DSTYK: variants seen among roughly 807,000 people sequenced by gnomAD.
The protein encoded by DSTYK is RIP-homologous kinase.
A neutral mutation model predicts 98.7 loss-of-function variants in DSTYK; 34 were observed. That is an observed-to-expected ratio of 0.34 (90% CI 0.26 to 0.46). The LOEUF is 0.46. Among genes scored for constraint, DSTYK ranks in the 20% least tolerant of loss-of-function variants. The pLI, the probability that DSTYK is intolerant of heterozygous loss-of-function variation, is 1.00. For missense variants in DSTYK, 962 were observed against 1,181.7 expected, an observed-to-expected ratio of 0.81 and a Z score of 2.73; for synonymous variants, 462 against 457.3, an observed-to-expected ratio of 1.01 and a Z score of -0.13.
At chr1:205,164,555 G>A (rs987048772) in intron 3 of DSTYK, among the ~76,000 whole-genome samples, 4 of 150,376 alleles carry the variant, frequency 2.7e-5, no homozygotes, top group African/African-American at 4.9e-5. Flanking sequence ...TCCGCCTCCC[G>A]AGTTCAAGCC....
Position 205,145,759 on chromosome 1 carries a change from G to A in DSTYK, c.*1799C>T, listed in dbSNP as rs1285817197. Reference sequence around the variant, plus strand: ...TTACAAACTCTCGGGCTGAACACAGGGGCCAGACCACAGTTATTGGGGATT... The same window carrying A: ...TTACAAACTCTCGGGCTGAACACAGAGGCCAGACCACAGTTATTGGGGATT... On this transcript the variant is annotated 3_prime_UTR_variant, in exon 13 of 13. Coordinates refer to ENST00000367162, the MANE Select transcript of DSTYK (RefSeq NM_015375.3). 1 of 151,948 alleles carries A rather than the reference G, an allele frequency of 6.6e-6. No homozygotes were observed. Among genetic ancestry groups the A allele is most frequent in the Non-Finnish European group, 1.5e-5 (1 of 68,014 alleles). 9.4% of individuals were successfully genotyped at this position (151,948 alleles called of 1,614,324 possible).
At position 205,169,582 on chromosome 1, in the gene DSTYK, G is replaced by A. The variant is rs373701022; in HGVS notation, c.905C>T (p.Pro302Leu). 14 of 1,614,034 alleles carry A rather than the reference G, an allele frequency of 8.7e-6. No individual in the cohort carries two copies. Among genetic ancestry groups the A allele is most frequent in the South Asian group, 4.4e-5 (4 of 91,090 alleles). ...STRRMESERS[P>L]LYRQLIDLGY... ...CAGGTCAATTAGCTGGCGATAAAGC[G>A]GTGATCTTTCGCTCTCCATTCTCCT... is the stretch of plus-strand genomic sequence containing the variant. The change falls in exon 3 of 13, where the codon CCG becomes CTG. Residue 302 changes from proline to leucine, a missense_variant. By Grantham distance (98) the Pro-to-Leu change is moderately conservative. Around this residue, in one of 4 missense-constraint regions of DSTYK, gnomAD observed 660 missense variants for 855.0 expected, o/e 0.77. Transcript: ENST00000367162. The surrounding 1 kb of genome is among the most constrained non-coding windows in gnomAD (Gnocchi z 4.0).
chr1:205,175,202 G>A (rs577313232), intron 2 of DSTYK, among the ~76,000 whole-genome samples: 3 of 151,120 alleles, frequency 2.0e-5, no homozygotes, highest in Non-Finnish European at 4.4e-5. Flanking sequence ...CCAGGTTCAC[G>A]CCATTCTCCT....
chr1:205,163,530 A>G (rs969856010), intron 4 of DSTYK, among the ~76,000 whole-genome samples, 193 bp downstream of exon 4: 4 of 152,178 alleles, frequency 2.6e-5, no homozygotes, highest in African/African-American at 9.6e-5. Flanking sequence ...ATATTCATCA[A>G]CTTAACTGCA....
At chr1:205,157,438 AACTGACTAT>A in intron 9 of DSTYK, 52 bp from the exon 10 acceptor site, 1 of 1,442,456 alleles carries the variant, frequency 6.9e-7, no homozygotes, top group Non-Finnish European at 9.8e-7. Context: ...TCCTCAATTC[AACTGACTAT>A]ACTAGGGCAC....
chr1:205,201,050 C>G (rs1438942149), intron 1 of DSTYK, among the ~76,000 whole-genome samples: 2 of 152,040 alleles, frequency 1.3e-5, no homozygotes, highest in African/African-American at 4.8e-5. Context: ...GGATTACAGG[C>G]ACGTGCCACC....
chr1:205,200,346 G>A (rs7412215), intron 1 of DSTYK, among the ~76,000 whole-genome samples: 3 of 151,756 alleles, frequency 2.0e-5, no homozygotes, highest in Admixed American at 2.0e-4. Context: ...CCAATTTTTT[G>A]TATTTTTAAT....
At position 205,150,434 on chromosome 1, in the gene DSTYK, G is replaced by A. The variant is rs1558597710; in HGVS notation, c.2467+246C>T. ...ATGATTAAATAATTGGCTGATTATGGCAGTTATGGCACTAATAACCGAGAG... is the reference window on the plus strand; with the variant it reads ...ATGATTAAATAATTGGCTGATTATGACAGTTATGGCACTAATAACCGAGAG... On this transcript the variant is annotated intron_variant, in intron 11 of 12. Transcript: ENST00000367162. This position sits in a 1 kb window ranked among gnomAD's most constrained non-coding sequence, Gnocchi z 4.1. 6.6e-6 allele frequency among the ~76,000 whole-genome samples: 1 copy of A among 151,888 alleles called. No homozygotes were observed. Among genetic ancestry groups the A allele is most frequent in the South Asian group, 2.1e-4 (1 of 4,824 alleles).
rs536564129 is a variant in DSTYK, at chr1:205,171,325, C to A, written c.655-1493G>T. Among the ~76,000 whole-genome samples, 8 of 152,040 alleles carry A rather than the reference C, an allele frequency of 5.3e-5. No individual in the cohort carries two copies. The South Asian group carries it at 1.5e-3, about 28-fold the overall frequency. On this transcript the variant is annotated intron_variant, in intron 2 of 12. Coordinates refer to ENST00000367162, the MANE Select transcript of DSTYK (RefSeq NM_015375.3). ...AATTATCCGGGTGTGGTGGTGGGCGCCTGTAGCCCCAGCTACTCCAGAGAC... is the reference window on the plus strand; with the variant it reads ...AATTATCCGGGTGTGGTGGTGGGCGACTGTAGCCCCAGCTACTCCAGAGAC...
intron 1 of DSTYK, among the ~76,000 whole-genome samples, chr1:205,190,570 C>T (rs564611631): frequency 7.0e-6 from 1 of 142,156 alleles, no homozygotes; most frequent in South Asian, 2.2e-4. Flanking sequence ...GAGCCAAGAT[C>T]ACGCCATTGC....
intron 1 of DSTYK, among the ~76,000 whole-genome samples, chr1:205,202,013 T>G (rs997593088): frequency 3.3e-5 from 5 of 150,754 alleles, no homozygotes; most frequent in African/African-American, 1.2e-4. Flanking sequence ...TGAGCCAAGA[T>G]TGCACCACTG....
intron 1 of DSTYK, among the ~76,000 whole-genome samples, chr1:205,194,286 C>T (rs185990264): frequency 6.6e-6 from 1 of 152,190 alleles, no homozygotes; most frequent in Non-Finnish European, 1.5e-5. Context: ...AAATCTATCA[C>T]ACCTTTCAGC....
In DSTYK at chr1:205,169,857, T is replaced by C. The variant is rs1451518803; in HGVS notation, c.655-25A>G. On this transcript the variant is annotated intron_variant, in intron 2 of 12. Coordinates refer to ENST00000367162, the MANE Select transcript of DSTYK (RefSeq NM_015375.3). This position sits in a 1 kb window ranked among gnomAD's most constrained non-coding sequence, Gnocchi z 4.0. ...CCTGGAAGGGGAAGGGGGTCATATA[T>C]CAGCGCCTCAGGGTCAGAACCAATC... 2 of 1,585,032 alleles carry C rather than the reference T, an allele frequency of 1.3e-6. No homozygotes were observed. The highest frequency in any genetic ancestry group is 1.3e-5 in the African/African-American group (1 of 74,094).
At chr1:205,201,362 C>A (rs959765624) in intron 1 of DSTYK, among the ~76,000 whole-genome samples, 11 of 146,588 alleles carry the variant, frequency 7.5e-5, no homozygotes, top group Non-Finnish European at 1.5e-5. Context: ...AATATATAAA[C>A]CTACTATGTA....
At chr1:205,173,588 T>C (rs1468550744) in intron 2 of DSTYK, among the ~76,000 whole-genome samples, 3 of 152,162 alleles carry the variant, frequency 2.0e-5, no homozygotes, top group African/African-American at 7.2e-5. Context: ...TCAGGAAGAA[T>C]TTTGTTTGTT....
chr1:205,202,745 T>C, intron 1 of DSTYK: 1 of 731,514 alleles, frequency 1.4e-6, no homozygotes, highest in South Asian at 1.5e-5. Flanking sequence ...CAGGAGTAAA[T>C]TCAGCTTTAA....
intron 1 of DSTYK, among the ~76,000 whole-genome samples, chr1:205,195,570 T>C (rs1436293279): frequency 1.3e-5 from 2 of 152,200 alleles, no homozygotes; most frequent in Non-Finnish European, 2.9e-5. Flanking sequence ...CAGGACCAAG[T>C]AGTACACGCT....
chr1:205,158,889 T>C (rs1247629566), intron 9 of DSTYK, among the ~76,000 whole-genome samples: 1 of 152,166 alleles, frequency 6.6e-6, no homozygotes, highest in Non-Finnish European at 1.5e-5. Context: ...CAGTCACTAA[T>C]AAATATCTGT....
At position 205,146,111 on chromosome 1, in the gene DSTYK, A is replaced by G. The variant is rs2102369231; in HGVS notation, c.*1447T>C. ...CGTCTGCTGCTTTTTTTCTTCTAACAGATTTTTAAAAAGGTAAAAAGAAGG... is the reference window on the plus strand; with the variant it reads ...CGTCTGCTGCTTTTTTTCTTCTAACGGATTTTTAAAAAGGTAAAAAGAAGG... On this transcript the variant is annotated 3_prime_UTR_variant, in exon 13 of 13. Transcript: ENST00000367162. 1 of 152,320 alleles carries G rather than the reference A, an allele frequency of 6.6e-6. No individual in the cohort carries two copies. Among genetic ancestry groups the G allele is most frequent in the Non-Finnish European group, 1.5e-5 (1 of 68,028 alleles). 9.4% of individuals were successfully genotyped at this position (152,320 alleles called of 1,614,324 possible).
Sources: allele counts gnomAD v4.1 joint callset (sites outside exome capture counted in the v4.1 genomes callset), GRCh38; gene constraint gnomAD v4.1.1; regional missense constraint gnomAD v4.1.1; non-coding constraint Gnocchi (gnomAD v3.1); transcripts MANE v1.5; gene names NCBI Gene and HGNC (gene_info 2026-07-23, HGNC 2026-07-21).